Variants in TMOD2 observed in about 807,000 individuals in gnomAD.
The protein encoded by TMOD2 is tropomodulin 2.
A neutral mutation model predicts 39.9 loss-of-function variants in TMOD2; 22 were observed. The observed-to-expected ratio is 0.55, with a 90% CI of 0.39 to 0.79. The LOEUF is 0.79. TMOD2 is among the 30% of genes least tolerant of loss of function. TMOD2 has a pLI of 0.00. For synonymous variants in TMOD2, 123 were observed against 146.1 expected (o/e 0.84, Z 1.14); for missense variants, 386 against 413.3 (o/e 0.93, Z 0.57).
chr15:51,795,519 G>A (rs2056042401), intron 7 of TMOD2, among the ~76,000 whole-genome samples: 1 of 151,606 alleles, frequency 6.6e-6, no homozygotes, highest in African/African-American at 2.4e-5. Flanking sequence ...TCATCTCTGG[G>A]AAATTTATTT....
intron 5 of TMOD2, among the ~76,000 whole-genome samples, chr15:51,778,322 T>A (rs1287644531): frequency 9.5e-6 from 1 of 105,326 alleles, no homozygotes. Flanking sequence ...AACATCACAC[T>A]CTGGGGACTG....
At chr15:51,761,134 A>T (rs956458086) in intron 1 of TMOD2, among the ~76,000 whole-genome samples, 1 of 152,230 alleles carries the variant, frequency 6.6e-6, no homozygotes, top group African/African-American at 2.4e-5. Flanking sequence ...AAATGATCCA[A>T]TTATAGTGTT....
intron 1 of TMOD2, 86 bp downstream of exon 1, chr15:51,751,798 C>G (rs981781438): frequency 6.6e-6 from 1 of 150,650 alleles, no homozygotes; most frequent in Non-Finnish European, 1.5e-5. Context: ...GCCGCCGTGC[C>G]CTCCCTGCCC....
intron 8 of TMOD2, among the ~76,000 whole-genome samples, chr15:51,803,601 A>G (rs558391716): frequency 3.3e-5 from 5 of 152,336 alleles, no homozygotes; most frequent in South Asian, 4.1e-4. Flanking sequence ...CCTAAACATG[A>G]TATCTAGAAG....
At chr15:51,760,083 T>G (rs1329661363) in intron 1 of TMOD2, among the ~76,000 whole-genome samples, 1 of 151,478 alleles carries the variant, frequency 6.6e-6, no homozygotes, top group Non-Finnish European at 1.5e-5. Context: ...AGCAGGGGAG[T>G]GGATGTGGAG....
chr15:51,789,627 A>G (rs1018032617), intron 7 of TMOD2, among the ~76,000 whole-genome samples: 2 of 152,212 alleles, frequency 1.3e-5, no homozygotes, highest in African/African-American at 4.8e-5. Flanking sequence ...ACTCCTCAGC[A>G]AATGTAAAAG....
chr15:51,775,671 G>A (rs976421239), intron 4 of TMOD2, among the ~76,000 whole-genome samples: 2 of 136,732 alleles, frequency 1.5e-5, no homozygotes, highest in Admixed American at 1.7e-4. Context: ...TCCACCTCCG[G>A]AGTTCAAGCG....
chr15:51,762,557 A>G (rs921095355), intron 1 of TMOD2, among the ~76,000 whole-genome samples: 24 of 152,222 alleles, frequency 1.6e-4, no homozygotes, highest in Non-Finnish European at 3.2e-4. Context: ...ATGACATACA[A>G]TAAAGTGCAC....
chr15:51,784,563 G>A (rs2055955612), intron 7 of TMOD2: 1 of 152,146 alleles, frequency 6.6e-6, no homozygotes, highest in Admixed American at 6.5e-5. Context: ...TGTAAAAGAG[G>A]AACCAGGCTA....
intron 1 of TMOD2, among the ~76,000 whole-genome samples, chr15:51,758,416 G>C (rs182216157): frequency 6.6e-6 from 1 of 152,172 alleles, no homozygotes; most frequent in Non-Finnish European, 1.5e-5. Context: ...AGAGGAAGGG[G>C]CAACTTCTGT....
chr15:51,765,957 A>G (rs924053619), intron 1 of TMOD2, among the ~76,000 whole-genome samples: 20 of 152,206 alleles, frequency 1.3e-4, no homozygotes, highest in African/African-American at 4.3e-4. Flanking sequence ...ACTGCCTTAC[A>G]ATTAGTGCAT....
chr15:51,768,568 A>T, intron 3 of TMOD2, 150 bp downstream of exon 3: 1 of 850,200 alleles, frequency 1.2e-6, no homozygotes, highest in Non-Finnish European at 1.8e-6. Context: ...AAATAAGCCC[A>T]TGAATTGGAT....
chr15:51,772,285 T>A (rs1336617614), intron 3 of TMOD2, among the ~76,000 whole-genome samples: 1 of 152,150 alleles, frequency 6.6e-6, no homozygotes, highest in Non-Finnish European at 1.5e-5. Context: ...TTTCAAAGAC[T>A]GTGCCCCAAA....
chr15:51,781,213 A>T, intron 6 of TMOD2, 39 bp downstream of exon 6: 1 of 1,562,128 alleles, frequency 6.4e-7, no homozygotes, highest in South Asian at 1.2e-5. Context: ...TTAATTTATC[A>T]TGAGGTCAGA....
intron 3 of TMOD2, among the ~76,000 whole-genome samples, chr15:51,771,298 G>T (rs2055852165): frequency 1.3e-5 from 2 of 152,224 alleles, no homozygotes; most frequent in African/African-American, 2.4e-5. Context: ...GCAGCGGGAG[G>T]CTACTATGAG....
intron 8 of TMOD2, 84 bp from the exon 9 acceptor site, chr15:51,806,293 A>C (rs1200505557): frequency 6.6e-7 from 1 of 1,519,412 alleles, no homozygotes; most frequent in East Asian, 2.3e-5. Context: ...TTGTCCAGCA[A>C]GTAGCCTTGT....
rs2056137360 is a variant in TMOD2 at position 51,808,732 on chromosome 15, T to G, written c.*278T>G. 2 of 313,702 alleles carry G rather than the reference T, an allele frequency of 6.4e-6. No individual in the cohort carries two copies. The highest frequency in any genetic ancestry group is 4.3e-5 in the African/African-American group (2 of 46,338). The allele number at this position is 313,702 out of a possible 1,614,324, so 19.4% of individuals were successfully genotyped here. On this transcript the variant is annotated 3_prime_UTR_variant, in exon 10 of 10. Coordinates refer to ENST00000249700, the MANE Select transcript of TMOD2 (RefSeq NM_014548.4). Reference sequence around the variant, plus strand: ...GACATGGAAAATGAATTTAACCACTTTCTTATTGGGTTGTCTTGCTTTCTT... The same window carrying G: ...GACATGGAAAATGAATTTAACCACTGTCTTATTGGGTTGTCTTGCTTTCTT...
chr15:51,798,108 T>A, intron 7 of TMOD2, 89 bp from the exon 8 acceptor site: 1 of 1,143,208 alleles, frequency 8.7e-7, no homozygotes, highest in Non-Finnish European at 1.2e-6. Context: ...AGAAAACATC[T>A]GTATTTAATT....
chr15:51,812,394 C>T lies in TMOD2; in HGVS notation c.*3940C>T, dbSNP rs961485553. ...CATGAGAACATTTCAGATGCTCAAACTGAAAATTCTTAAAACCAATATTAA... is the reference window on the plus strand; with the variant it reads ...CATGAGAACATTTCAGATGCTCAAATTGAAAATTCTTAAAACCAATATTAA... On this transcript the variant is annotated 3_prime_UTR_variant, in exon 10 of 10. Coordinates refer to ENST00000249700, the MANE Select transcript of TMOD2 (RefSeq NM_014548.4). 3 of 152,208 alleles carry T rather than the reference C, an allele frequency of 2.0e-5. No homozygotes were observed. The highest frequency in any genetic ancestry group is 7.2e-5 in the African/African-American group (3 of 41,438). The allele number at this position is 152,208 out of a possible 1,614,324, so 9.4% of individuals were successfully genotyped here.
Sources: allele counts gnomAD v4.1 joint callset (sites outside exome capture counted in the v4.1 genomes callset), GRCh38; gene constraint gnomAD v4.1.1; transcripts MANE v1.5; gene names NCBI Gene and HGNC (gene_info 2026-07-23, HGNC 2026-07-21).